The following CYP7B1 variants were observed in gnomAD, a reference collection of about 807,000 sequenced individuals.
CYP7B1 encodes the protein cytochrome P450 family 7 subfamily B member 1.
In CYP7B1, 29 loss-of-function variants were observed where a neutral mutation model predicts 42.7. The observed-to-expected ratio is 0.68, with a 90% CI of 0.51 to 0.93. The LOEUF (loss-of-function observed/expected upper bound fraction) is 0.93, where lower values mean the gene tolerates loss of function less well. CYP7B1 is among the 40% of genes least tolerant of loss of function. The pLI, the probability that CYP7B1 is intolerant of heterozygous loss-of-function variation, is 0.00. For synonymous variants in CYP7B1, 235 were observed against 218.2 expected, an observed-to-expected ratio of 1.08 and a Z score of -0.68; for missense variants, 655 against 600.5, an observed-to-expected ratio of 1.09 and a Z score of -0.95.
chr8:64,741,822 C>G (rs1311632406), intron 1 of CYP7B1, among the ~76,000 whole-genome samples: 1 of 152,068 alleles, frequency 6.6e-6, no homozygotes, highest in Non-Finnish European at 1.5e-5. Flanking sequence ...ATGCAGAAAA[C>G]TACAAAACTC....
intron 1 of CYP7B1, among the ~76,000 whole-genome samples, chr8:64,685,772 G>A (rs1806620998): frequency 1.7e-5 from 1 of 57,594 alleles, no homozygotes; most frequent in Non-Finnish European, 4.5e-5. Context: ...CGGGAGGGAG[G>A]TGGGGGGGGG....
chr8:64,789,247 A>T (rs1489876532), intron 1 of CYP7B1, among the ~76,000 whole-genome samples: 1 of 152,054 alleles, frequency 6.6e-6, no homozygotes, highest in Non-Finnish European at 1.5e-5. Flanking sequence ...GTTTTTTTTT[A>T]AGCCTAAACT....
At position 64,751,712 on chromosome 8, in the gene CYP7B1, C is replaced by T. The variant is rs538986021; in HGVS notation, c.122+46754G>A. On this transcript the variant is annotated intron_variant, in intron 1 of 5. Coordinates refer to ENST00000310193, the MANE Select transcript of CYP7B1 (RefSeq NM_004820.5). ...CTGAAGCAATATACTATGCAACTGA[C>T]AGTATATGGGAGTGCTTACCCTTGT... Among the ~76,000 whole-genome samples the T allele has an allele frequency of 2.0e-5, 3 of 152,220 alleles. No individual in the cohort carries two copies. The South Asian group carries it at 6.2e-4, about 32-fold the overall frequency.
chr8:64,671,391 T>C (rs1355840014), intron 1 of CYP7B1, among the ~76,000 whole-genome samples: 2 of 152,146 alleles, frequency 1.3e-5, no homozygotes, highest in African/African-American at 4.8e-5. Context: ...AACCCAGCTT[T>C]TTAAAAACTT....
At chr8:64,795,054 C>T (rs888702591) in intron 1 of CYP7B1, among the ~76,000 whole-genome samples, 3 of 151,710 alleles carry the variant, frequency 2.0e-5, no homozygotes, top group East Asian at 1.9e-4. Flanking sequence ...GTCAATTTTC[C>T]GAAATGGTTG....
At chr8:64,730,855 T>C (rs1807398231) in intron 1 of CYP7B1, among the ~76,000 whole-genome samples, 1 of 151,572 alleles carries the variant, frequency 6.6e-6, no homozygotes, top group South Asian at 2.1e-4. Flanking sequence ...AATCCCCACA[T>C]ACTAGGGGAG....
At chr8:64,721,479 AC>A (rs1807235401) in intron 1 of CYP7B1, among the ~76,000 whole-genome samples, 2 of 152,342 alleles carry the variant, frequency 1.3e-5, no homozygotes, top group African/African-American at 4.8e-5. Flanking sequence ...AATTAAAATA[AC>A]CAACAATCTC....
intron 2 of CYP7B1, among the ~76,000 whole-genome samples, chr8:64,617,888 T>C (rs73237766): frequency 0.028 from 4,249 of 151,462 alleles, 190 homozygotes; most frequent in African/African-American, 0.092. Flanking sequence ...TTAATATACA[T>C]GAATATACAT....
intron 1 of CYP7B1, among the ~76,000 whole-genome samples, chr8:64,765,108 G>C (rs1205081008): frequency 6.6e-6 from 1 of 151,524 alleles, no homozygotes; most frequent in East Asian, 1.9e-4. Context: ...AAGACTTAAA[G>C]TATTTGCAGG....
intron 5 of CYP7B1, among the ~76,000 whole-genome samples, chr8:64,604,404 G>A (rs537233833): frequency 3.9e-5 from 6 of 152,270 alleles, no homozygotes; most frequent in Non-Finnish European, 5.9e-5. Context: ...TGGCCAAAAC[G>A]TAATAGTGGC....
chr8:64,780,774 GCT>G (rs1057346352), intron 1 of CYP7B1, among the ~76,000 whole-genome samples: 13 of 151,976 alleles, frequency 8.6e-5, no homozygotes, highest in African/African-American at 3.1e-4. Context: ...TGCGGATGTG[GCT>G]CTCTCTATTA....
intron 2 of CYP7B1, among the ~76,000 whole-genome samples, chr8:64,618,890 TTC>T (rs1031260177): frequency 5.9e-5 from 9 of 152,166 alleles, no homozygotes; most frequent in African/African-American, 1.9e-4. Flanking sequence ...GATCTGTATT[TTC>T]TCTTTCTCAT....
At chr8:64,629,986 C>T (rs1171556544) in intron 1 of CYP7B1, among the ~76,000 whole-genome samples, 1 of 152,092 alleles carries the variant, frequency 6.6e-6, no homozygotes, top group Non-Finnish European at 1.5e-5. Flanking sequence ...ATGTATTGCT[C>T]TGCCAGGAAA....
intron 1 of CYP7B1, among the ~76,000 whole-genome samples, chr8:64,738,496 T>G (rs545574145): frequency 6.6e-6 from 1 of 152,090 alleles, no homozygotes; most frequent in Non-Finnish European, 1.5e-5. Flanking sequence ...AGAAACTGTT[T>G]TCTCCCTAAT....
intron 1 of CYP7B1, among the ~76,000 whole-genome samples, chr8:64,723,387 T>C (rs1013740793): frequency 1.3e-5 from 2 of 152,194 alleles, no homozygotes; most frequent in Admixed American, 6.5e-5. Flanking sequence ...TATGCCACAA[T>C]TTTTTATCCA....
intron 1 of CYP7B1, among the ~76,000 whole-genome samples, chr8:64,645,893 G>A (rs1394315707): frequency 1.3e-5 from 2 of 152,038 alleles, no homozygotes; most frequent in African/African-American, 2.4e-5. Context: ...AAATAACGCT[G>A]CATATCTACA....
At chr8:64,620,236 C>T (rs1206339370) in intron 2 of CYP7B1, among the ~76,000 whole-genome samples, 1 of 152,150 alleles carries the variant, frequency 6.6e-6, no homozygotes, top group Non-Finnish European at 1.5e-5. Flanking sequence ...TAATTAGAAG[C>T]TTTTCATCTC....
chr8:64,701,667 A>G (rs976825400), intron 1 of CYP7B1, among the ~76,000 whole-genome samples: 3 of 152,098 alleles, frequency 2.0e-5, no homozygotes, highest in Admixed American at 6.6e-5. Context: ...TTAAGAGAGG[A>G]AAAAACAGAG....
intron 1 of CYP7B1, among the ~76,000 whole-genome samples, chr8:64,707,285 G>C (rs1281844126): frequency 6.6e-6 from 1 of 152,024 alleles, no homozygotes; most frequent in Non-Finnish European, 1.5e-5. Flanking sequence ...ATTTCAACAT[G>C]CCTGTGTAAT....
Sources: allele counts gnomAD v4.1 joint callset (sites outside exome capture counted in the v4.1 genomes callset), GRCh38; gene constraint gnomAD v4.1.1; transcripts MANE v1.5; gene names NCBI Gene and HGNC (gene_info 2026-07-23, HGNC 2026-07-21).